The following DAB2IP variants were observed in gnomAD, a reference collection of about 807,000 sequenced individuals.
The protein encoded by DAB2IP is disabled homolog 2-interacting protein.
DAB2IP carries 28 observed loss-of-function variants against 107.2 expected under a neutral mutation model. The observed-to-expected ratio is 0.26, with a 90% CI of 0.19 to 0.36. DAB2IP has a LOEUF of 0.36. Ranked by LOEUF, DAB2IP falls within the 10% of genes least tolerant of loss-of-function variation. The probability of loss-of-function intolerance (pLI) is 1.00; values close to 1 mark genes in which losing one functional copy is unlikely to be tolerated. For synonymous variants in DAB2IP, 755 were observed against 706.4 expected (o/e 1.07, Z -1.09); for missense variants, 1,400 against 1,644.7 (o/e 0.85, Z 2.57).
intron 3 of DAB2IP, among the ~76,000 whole-genome samples, chr9:121,718,318 C>T (rs969014512): frequency 1.2e-4 from 19 of 152,148 alleles, no homozygotes; most frequent in African/African-American, 4.1e-4. Flanking sequence ...GCAAGGGAGG[C>T]GTGGGCGGGG....
chr9:121,679,452 A>ACACACACACACC (rs1202406624), intron 2 of DAB2IP, among the ~76,000 whole-genome samples: 1 of 149,148 alleles, frequency 6.7e-6, no homozygotes. Flanking sequence ...ACACACACAC[A>ACACACACACACC]CCAGAGTTCT....
chr9:121,680,023 C>T (rs377010080), intron 2 of DAB2IP, among the ~76,000 whole-genome samples: 4 of 152,214 alleles, frequency 2.6e-5, no homozygotes, highest in East Asian at 3.9e-4. Context: ...CTTGCTTTTC[C>T]GCCATCACAG....
chr9:121,729,359 G>A (rs147153640), intron 3 of DAB2IP, among the ~76,000 whole-genome samples: 35 of 152,212 alleles, frequency 2.3e-4, no homozygotes, highest in African/African-American at 8.2e-4. Flanking sequence ...CCATTTTACC[G>A]AAGAGGAAGC....
chr9:121,678,940 C>G (rs1828427564), intron 2 of DAB2IP, 159 bp downstream of exon 2: 1 of 663,618 alleles, frequency 1.5e-6, no homozygotes. Context: ...TCAGCTGCTC[C>G]CATCTCCGTG....
At chr9:121,735,066 C>G (rs1831799529) in intron 3 of DAB2IP, among the ~76,000 whole-genome samples, 1 of 152,176 alleles carries the variant, frequency 6.6e-6, no homozygotes, top group Non-Finnish European at 1.5e-5. Flanking sequence ...CTCTCCCCTG[C>G]TAGGAAATTT....
At chr9:121,761,157 G>A (rs1833859737) in intron 6 of DAB2IP, among the ~76,000 whole-genome samples, 2 of 152,232 alleles carry the variant, frequency 1.3e-5, no homozygotes, top group African/African-American at 4.8e-5. Context: ...CCGGTTTGGG[G>A]ACAAATGGGC....
chr9:121,634,072 C>T lies in DAB2IP; in HGVS notation c.41-44606C>T, dbSNP rs1322563085. ...TATGTGTCCCACCAGACTGTCAGCT[C>T]TCTGAGGACAGGGACTGTGTCAGAG... On this transcript the variant is annotated intron_variant, in intron 1 of 16. Transcript: ENST00000259371. The surrounding 1 kb of genome is among the most constrained non-coding windows in gnomAD (Gnocchi z 4.7). Among the ~76,000 whole-genome samples, 1 of 152,204 alleles carries T rather than the reference C, an allele frequency of 6.6e-6. No individual in the cohort carries two copies. The highest frequency in any genetic ancestry group is 1.5e-5 in the Non-Finnish European group (1 of 68,042).
intron 1 of DAB2IP, among the ~76,000 whole-genome samples, chr9:121,590,674 C>T (rs1830407262): frequency 6.6e-6 from 1 of 152,138 alleles, no homozygotes. Flanking sequence ...GAAATGTAGA[C>T]ATTTCTGGCA....
rs375810712 is a variant in DAB2IP, at chr9:121,760,205, G to A, written c.936G>A (p.Pro312=). 53 of 1,613,622 alleles carry A rather than the reference G, an allele frequency of 3.3e-5. No individual in the cohort carries two copies. The highest frequency in any genetic ancestry group is 1.5e-4 in the African/African-American group (11 of 75,036). ...GGCAGTTCGTGGAGAAGTGGTACCCGGTGGTGACGCCCAACCCCAAGGGCG... is the reference window on the plus strand; with the variant it reads ...GGCAGTTCGTGGAGAAGTGGTACCCAGTGGTGACGCCCAACCCCAAGGGCG... Residue 312 remains proline (P), a synonymous_variant, in exon 6 of 16, where the codon CCG becomes CCA. Transcript: ENST00000408936. This position sits in a 1 kb window ranked among gnomAD's most constrained non-coding sequence, Gnocchi z 5.9.
intron 3 of DAB2IP, among the ~76,000 whole-genome samples, chr9:121,721,801 G>A (rs916649348): frequency 6.6e-6 from 1 of 152,192 alleles, no homozygotes. Flanking sequence ...ATGGGCAGAG[G>A]GCAATAGGCA....
chr9:121,621,118 G>A lies in DAB2IP; in HGVS notation c.40+53890G>A, dbSNP rs1405528601. Among the ~76,000 whole-genome samples the A allele has an allele frequency of 3.3e-5, 5 of 151,986 alleles. No homozygotes were observed. In the East Asian group the frequency reaches 9.7e-4, roughly 29 times the overall value. ...CTTTTTCCTACCTGCAAGTCTGGTG[G>A]TTCCCCTTGGGCACCATCTCCTGCA... On this transcript the variant is annotated intron_variant, in intron 1 of 16. Coordinates refer to the DAB2IP transcript ENST00000259371.
intron 1 of DAB2IP, among the ~76,000 whole-genome samples, chr9:121,663,447 G>A (rs559968822): frequency 2.6e-5 from 4 of 152,166 alleles, no homozygotes; most frequent in African/African-American, 9.6e-5. Flanking sequence ...CCCTGCCCCC[G>A]AGTGCTCTAT....
At chr9:121,781,856 C>T (rs1835679708) in intron 15 of DAB2IP, among the ~76,000 whole-genome samples, 3 of 152,142 alleles carry the variant, frequency 2.0e-5, no homozygotes, top group Admixed American at 6.5e-5. Flanking sequence ...TGAAGGCAGG[C>T]TGGTCAGAGG....
rs913812209 is a variant in DAB2IP at position 121,637,819 on chromosome 9, G to A, written c.41-40859G>A. ...TTTATATGATGGGCTATAAATCACAGAATGAGAAGCCCTGCAACCTGTGGG... is the reference window on the plus strand; with the variant it reads ...TTTATATGATGGGCTATAAATCACAAAATGAGAAGCCCTGCAACCTGTGGG... On this transcript the variant is annotated intron_variant, in intron 1 of 16. Coordinates refer to the DAB2IP transcript ENST00000259371. Among the ~76,000 whole-genome samples, 4 of 152,306 alleles carry A rather than the reference G, an allele frequency of 2.6e-5. No individual in the cohort carries two copies. In the South Asian group the frequency reaches 8.3e-4, roughly 32 times the overall value.
intron 3 of DAB2IP, among the ~76,000 whole-genome samples, chr9:121,754,445 T>TGCCCC (rs1160191119): frequency 2.0e-5 from 3 of 152,064 alleles, no homozygotes; most frequent in Non-Finnish European, 2.9e-5. Flanking sequence ...GGGCCTGCCC[T>TGCCCC]GCCCCTATTC....
At chr9:121,687,976 C>T (rs911576557) in intron 2 of DAB2IP, among the ~76,000 whole-genome samples, 2 of 152,124 alleles carry the variant, frequency 1.3e-5, no homozygotes, top group Non-Finnish European at 2.9e-5. Context: ...GAGATTTGGA[C>T]CCAGGCCTCC....
chr9:121,692,653 G>A (rs1829220078), intron 2 of DAB2IP, among the ~76,000 whole-genome samples: 1 of 152,204 alleles, frequency 6.6e-6, no homozygotes, highest in African/African-American at 2.4e-5. Context: ...AGATTGTAGA[G>A]GATTCTGTGG....
chr9:121,673,403 G>A (rs1283535181), intron 1 of DAB2IP, among the ~76,000 whole-genome samples: 1 of 152,152 alleles, frequency 6.6e-6, no homozygotes, highest in Non-Finnish European at 1.5e-5. Flanking sequence ...ACTCACTATA[G>A]AGCTGCCCAG....
At chr9:121,603,126 A>G (rs892246731) in intron 1 of DAB2IP, among the ~76,000 whole-genome samples, 3 of 152,206 alleles carry the variant, frequency 2.0e-5, no homozygotes, top group African/African-American at 7.2e-5. Flanking sequence ...CCTCCCAGCC[A>G]GAAGGTGCTG....
Sources: gnomAD v4.1 joint callset for allele counts (sites outside exome capture counted in the v4.1 genomes callset) on GRCh38, gnomAD v4.1.1 for gene constraint, Gnocchi (gnomAD v3.1) non-coding constraint, MANE v1.5 for transcripts, NCBI Gene and HGNC (gene_info 2026-07-23, HGNC 2026-07-21) for gene names.